Variants in SNCAIP observed in about 807,000 individuals in gnomAD.
SNCAIP encodes synuclein alpha interacting protein, also known as synphilin-1.
A neutral mutation model predicts 86.7 loss-of-function variants in SNCAIP; 43 were observed. The observed-to-expected ratio is 0.50, with a 90% CI of 0.39 to 0.64. The LOEUF (loss-of-function observed/expected upper bound fraction) is 0.64. Among genes scored for constraint, SNCAIP ranks in the 30% least tolerant of loss-of-function variants. The pLI, the probability that SNCAIP is intolerant of heterozygous loss-of-function variation, is 0.00. For missense variants in SNCAIP, 981 were observed against 1,103.1 expected, an observed-to-expected ratio of 0.89 and a Z score of 1.57; for synonymous variants, 417 against 427.2, an observed-to-expected ratio of 0.98 and a Z score of 0.29.
At chr5:122,359,349 T>TTTTATTTATTTATTTA (rs10528513) in intron 1 of SNCAIP, among the ~76,000 whole-genome samples, 41,641 of 142,010 alleles carry the variant, frequency 0.29, 6,473 homozygotes, top group East Asian at 0.4. Context: ...AGATTTTTAT[T>TTTTATTTATTTATTTA]TTTATTTATT....
At position 122,349,844 on chromosome 5, in the gene SNCAIP, C is replaced by T. The variant is rs774981676; in HGVS notation, c.-47+37560C>T. 4.6e-5 allele frequency among the ~76,000 whole-genome samples: 7 copies of T among 152,146 alleles called. No individual in the cohort carries two copies. In the East Asian group the frequency reaches 1.4e-3, roughly 29 times the overall value. The stretch of plus-strand genomic sequence containing the variant: ...CGGGCCATGATGTTTTGATGGGGCT[C>T]TTCTCTGCCTGTGGCAGAGACTACT... On this transcript the variant is annotated intron_variant, in intron 1 of 10. Transcript: ENST00000261368.
intron 7 of SNCAIP, among the ~76,000 whole-genome samples, chr5:122,442,911 GA>G (rs3842595): frequency 7.9e-5 from 12 of 150,994 alleles, no homozygotes; most frequent in East Asian, 7.8e-4. Context: ...GAAATTTAAA[GA>G]AAAAAAAAGA....
chr5:122,390,055 A>G (rs1418413845), intron 1 of SNCAIP, among the ~76,000 whole-genome samples: 1 of 152,152 alleles, frequency 6.6e-6, no homozygotes, highest in Non-Finnish European at 1.5e-5. Context: ...GGCTAGATGT[A>G]TTTTCACTTT....
intron 10 of SNCAIP, among the ~76,000 whole-genome samples, chr5:122,462,054 G>A (rs2153041608): frequency 6.6e-6 from 1 of 152,286 alleles, no homozygotes; most frequent in African/African-American, 2.4e-5. Context: ...TACAATAAAG[G>A]TGTCGCACTG....
At chr5:122,426,433 A>C (rs1053410916) in intron 5 of SNCAIP, among the ~76,000 whole-genome samples, 1 of 152,224 alleles carries the variant, frequency 6.6e-6, no homozygotes, top group Non-Finnish European at 1.5e-5. Context: ...ACATTTAAAA[A>C]ACCATTAACT....
intron 4 of SNCAIP, 129 bp from the exon 5 acceptor site, chr5:122,425,223 T>C (rs1777121024): frequency 1.3e-6 from 1 of 776,618 alleles, no homozygotes; most frequent in Non-Finnish European, 2.3e-6. Flanking sequence ...AACTGATTTA[T>C]TAGATCCCCA....
At chr5:122,369,545 C>T (rs550250166) in intron 1 of SNCAIP, among the ~76,000 whole-genome samples, 5 of 152,306 alleles carry the variant, frequency 3.3e-5, no homozygotes, top group Non-Finnish European at 7.4e-5. Flanking sequence ...TATAAATTCT[C>T]CCTTAATTCT....
At chr5:122,409,435 C>G (rs746481756) in intron 3 of SNCAIP, among the ~76,000 whole-genome samples, 6 of 152,176 alleles carry the variant, frequency 3.9e-5, no homozygotes, top group East Asian at 3.8e-4. Context: ...AATATTAATA[C>G]TGCTTCACAT....
At chr5:122,383,898 A>C (rs1767529380) in intron 1 of SNCAIP, among the ~76,000 whole-genome samples, 2 of 152,358 alleles carry the variant, frequency 1.3e-5, no homozygotes, top group Non-Finnish European at 2.9e-5. Flanking sequence ...TTGAAGACTT[A>C]AACCAACTGG....
In SNCAIP at chr5:122,350,343, A is replaced by T. The variant is rs901876188; in HGVS notation, c.-47+38059A>T. 4.6e-5 allele frequency among the ~76,000 whole-genome samples: 7 copies of T among 152,306 alleles called. No homozygotes were observed. In the South Asian group the frequency reaches 1.4e-3, roughly 32 times the overall value. On this transcript the variant is annotated intron_variant, in intron 1 of 10. Coordinates refer to ENST00000261368, the MANE Select transcript of SNCAIP (RefSeq NM_005460.4). ...TCTTAATTCAGTTTCCCAGAATTTG[A>T]TTCCAGTAATGGACTATTTTAAGAT...
At chr5:122,416,965 A>G (rs1029929949) in intron 3 of SNCAIP, among the ~76,000 whole-genome samples, 16 of 152,232 alleles carry the variant, frequency 1.1e-4, no homozygotes, top group Admixed American at 3.3e-4. Flanking sequence ...CCTCATGGAA[A>G]ATAAAATCCA....
chr5:122,450,115 T>A (rs896254884), intron 9 of SNCAIP, among the ~76,000 whole-genome samples, 178 bp downstream of exon 9: 2 of 152,222 alleles, frequency 1.3e-5, no homozygotes, highest in African/African-American at 2.4e-5. Context: ...TCTGAAGACC[T>A]GCTGTATTCT....
intron 6 of SNCAIP, among the ~76,000 whole-genome samples, chr5:122,434,634 G>A (rs1276914848): frequency 6.6e-6 from 1 of 152,104 alleles, no homozygotes; most frequent in East Asian, 1.9e-4. Context: ...TCTGAGGGGG[G>A]CAGTCCAGCA....
intron 1 of SNCAIP, among the ~76,000 whole-genome samples, chr5:122,328,204 T>C (rs1033936862): frequency 6.6e-6 from 1 of 152,222 alleles, no homozygotes; most frequent in Non-Finnish European, 1.5e-5. Context: ...TAATAAATAA[T>C]CCTACATAGA....
chr5:122,425,191 G>A (rs1777116700), intron 4 of SNCAIP, among the ~76,000 whole-genome samples, 161 bp from the exon 5 acceptor site: 1 of 152,126 alleles, frequency 6.6e-6, no homozygotes, highest in African/African-American at 2.4e-5. Context: ...AAAGCATATT[G>A]TAACAAAGAA....
At chr5:122,437,109 C>A (rs1387665984) in intron 6 of SNCAIP, 2 of 152,176 alleles carry the variant, frequency 1.3e-5, no homozygotes, top group Non-Finnish European at 2.9e-5. Flanking sequence ...GAAGTTACAT[C>A]CATCCTTTAA....
At chr5:122,356,523 A>C (rs749330017) in intron 1 of SNCAIP, among the ~76,000 whole-genome samples, 15 of 152,230 alleles carry the variant, frequency 9.9e-5, no homozygotes, top group Non-Finnish European at 2.2e-4. Flanking sequence ...ATTTATATAC[A>C]TTCACACATA....
At chr5:122,365,957 A>C (rs1464251449) in intron 1 of SNCAIP, among the ~76,000 whole-genome samples, 1 of 152,130 alleles carries the variant, frequency 6.6e-6, no homozygotes, top group African/African-American at 2.4e-5. Context: ...TCAGGTGTAA[A>C]CTTAAAAGCT....
intron 1 of SNCAIP, among the ~76,000 whole-genome samples, chr5:122,338,960 G>A (rs1333098804): frequency 6.6e-6 from 1 of 152,110 alleles, no homozygotes; most frequent in African/African-American, 2.4e-5. Context: ...AATAATGGGG[G>A]GTAGGGCAAG....
Sources: gnomAD v4.1 joint callset for allele counts (sites outside exome capture counted in the v4.1 genomes callset) on GRCh38, gnomAD v4.1.1 for gene constraint, MANE v1.5 for transcripts, NCBI Gene and HGNC (gene_info 2026-07-23, HGNC 2026-07-21) for gene names.